Variants in BICD1 observed in about 807,000 individuals in gnomAD.
The protein encoded by BICD1 is BICD cargo adaptor 1.
A neutral mutation model predicts 92.5 loss-of-function variants in BICD1; 35 were observed. The observed-to-expected ratio is 0.38, with a 90% CI of 0.29 to 0.50. BICD1 has a LOEUF of 0.50. Ranked by LOEUF, BICD1 falls within the 20% of genes least tolerant of loss-of-function variation. The pLI is 0.93. For missense variants in BICD1, 950 were observed against 1,189.8 expected (o/e 0.80, Z 2.97); for synonymous variants, 429 against 465.1 (o/e 0.92, Z 1.00).
intron 9 of BICD1, among the ~76,000 whole-genome samples, chr12:32,374,494 A>C (rs1939854503): frequency 6.6e-6 from 1 of 151,710 alleles, no homozygotes; most frequent in African/African-American, 2.4e-5. Context: ...CAGGCCGTCA[A>C]ACTCTGTTTG....
At chr12:32,151,015 A>G (rs1386988891) in intron 1 of BICD1, among the ~76,000 whole-genome samples, 1 of 152,206 alleles carries the variant, frequency 6.6e-6, no homozygotes, top group African/African-American at 2.4e-5. Flanking sequence ...CTTGAAAAAA[A>G]TGTAGGATCC....
At chr12:32,310,921 G>A (rs966089494) in intron 4 of BICD1, among the ~76,000 whole-genome samples, 4 of 151,756 alleles carry the variant, frequency 2.6e-5, no homozygotes, top group Non-Finnish European at 4.4e-5. Flanking sequence ...ATACCCTTTC[G>A]GCCTTTTCTT....
At chr12:32,177,090 G>A (rs1464898750) in intron 1 of BICD1, among the ~76,000 whole-genome samples, 1 of 151,928 alleles carries the variant, frequency 6.6e-6, no homozygotes, top group East Asian at 1.9e-4. Flanking sequence ...TGAGGCGGGC[G>A]CATGCCTTGA....
intron 2 of BICD1, among the ~76,000 whole-genome samples, chr12:32,258,467 C>T (rs923383876): frequency 2.0e-5 from 3 of 151,738 alleles, no homozygotes; most frequent in Non-Finnish European, 2.9e-5. Context: ...TGTGTGGAAA[C>T]GAGAGATCTA....
chr12:32,212,520 A>G (rs920259051), intron 1 of BICD1, among the ~76,000 whole-genome samples: 1 of 152,052 alleles, frequency 6.6e-6, no homozygotes, highest in Non-Finnish European at 1.5e-5. Context: ...CATCTCCCAG[A>G]TTCAAGTGAT....
chr12:32,198,212 G>GA (rs954944041), intron 1 of BICD1, among the ~76,000 whole-genome samples: 8 of 147,016 alleles, frequency 5.4e-5, no homozygotes, highest in Admixed American at 1.4e-4. Flanking sequence ...TCTGAAAAAA[G>GA]AAAAAAAAAT....
At position 32,305,891 on chromosome 12, in the gene BICD1, C is replaced by T. The variant is rs571883717; in HGVS notation, c.774C>T (p.Leu258=). ...AGGAGCTCTCCCAGTATATCAGCCT[C>T]AATGATAACCATATCAGCATCTCAG... The part of the protein sequence containing the change: ...LRKELSQYIS[L]NDNHISISVD... The change falls in exon 4 of 10, where the codon CTC becomes CTT. Residue 258 remains leucine, a synonymous_variant. Transcript: ENST00000652176. 26 of 1,614,144 alleles carry T rather than the reference C, an allele frequency of 1.6e-5. No homozygotes were observed. In the East Asian group the frequency reaches 5.6e-4, roughly 35 times the overall value.
chr12:32,117,758 A>ATTTT (rs1180018434), intron 1 of BICD1, among the ~76,000 whole-genome samples: 28 of 107,902 alleles, frequency 2.6e-4, no homozygotes, highest in African/African-American at 6.1e-4. Context: ...ATATATATAT[A>ATTTT]TTTTTTTTTA....
intron 1 of BICD1, among the ~76,000 whole-genome samples, chr12:32,171,299 C>T (rs1943928027): frequency 6.6e-6 from 1 of 152,260 alleles, no homozygotes; most frequent in South Asian, 2.1e-4. Context: ...CGTGGCAGGA[C>T]TGCCAGCCTG....
At chr12:32,374,673 T>G (rs1939863996) in intron 9 of BICD1, among the ~76,000 whole-genome samples, 1 of 148,926 alleles carries the variant, frequency 6.7e-6, no homozygotes, top group Non-Finnish European at 1.5e-5. Flanking sequence ...GTTCAAGCGA[T>G]TCTCCTGCCT....
chr12:32,370,240 G>A (rs931339014), intron 9 of BICD1, among the ~76,000 whole-genome samples: 3 of 152,032 alleles, frequency 2.0e-5, no homozygotes, highest in South Asian at 2.1e-4. Context: ...GGTGATGTGC[G>A]CCTGTAATCT....
intron 1 of BICD1, among the ~76,000 whole-genome samples, chr12:32,208,868 A>G (rs1945135161): frequency 6.6e-6 from 1 of 151,768 alleles, no homozygotes; most frequent in African/African-American, 2.4e-5. Flanking sequence ...GTTGTTGCCC[A>G]GGCTGCAGTG....
rs1460474505 is a variant in BICD1, at chr12:32,377,851, T to C, written c.*224T>C. ...CTGAGTCACAGATAAACTTCTGCCATCAAATGGCTACAGTTCATTTAAATT... is the reference window on the plus strand; with the variant it reads ...CTGAGTCACAGATAAACTTCTGCCACCAAATGGCTACAGTTCATTTAAATT... On this transcript the variant is annotated 3_prime_UTR_variant, in exon 10 of 10. Transcript: ENST00000652176. The C allele has an allele frequency of 6.5e-6, 3 of 462,646 alleles. No homozygotes were observed. Among genetic ancestry groups the C allele is most frequent in the Non-Finnish European group, 1.2e-5 (3 of 258,618 alleles). 28.7% of individuals were successfully genotyped at this position (462,646 alleles called of 1,614,324 possible).
At chr12:32,224,652 T>C (rs930227877) in intron 2 of BICD1, among the ~76,000 whole-genome samples, 13 of 152,194 alleles carry the variant, frequency 8.5e-5, no homozygotes, top group African/African-American at 3.1e-4. Context: ...TTTGTAAGGA[T>C]TAGTTTGCAA....
chr12:32,168,453 C>T (rs1410259798), intron 1 of BICD1, among the ~76,000 whole-genome samples: 1 of 143,302 alleles, frequency 7.0e-6, no homozygotes, highest in Non-Finnish European at 1.5e-5. Flanking sequence ...GGTTTCAACC[C>T]GGGCTTCATG....
chr12:32,217,615 G>A (rs1945398392), intron 2 of BICD1, among the ~76,000 whole-genome samples: 1 of 152,196 alleles, frequency 6.6e-6, no homozygotes, highest in African/African-American at 2.4e-5. Flanking sequence ...CTAATGAAGT[G>A]GAAGTTAGTG....
At chr12:32,335,308 G>A (rs6488044) in intron 6 of BICD1, among the ~76,000 whole-genome samples, 37,197 of 151,704 alleles carry the variant, frequency 0.25, 5,015 homozygotes, top group East Asian at 0.6. Flanking sequence ...CTGCCACCAC[G>A]CCCGGCTAAT....
intron 1 of BICD1, among the ~76,000 whole-genome samples, chr12:32,124,603 G>A (rs868676883): frequency 1.3e-5 from 2 of 152,170 alleles, no homozygotes; most frequent in South Asian, 2.1e-4. Context: ...GGCTGTGCTC[G>A]ATAGGAGTGG....
At chr12:32,298,054 A>G (rs1232368139) in intron 3 of BICD1, among the ~76,000 whole-genome samples, 9 of 152,102 alleles carry the variant, frequency 5.9e-5, no homozygotes, top group African/African-American at 1.9e-4. Context: ...GTGATGATGC[A>G]CACCTGTGGT....
Sources: allele counts gnomAD v4.1 joint callset (sites outside exome capture counted in the v4.1 genomes callset), GRCh38; gene constraint gnomAD v4.1.1; transcripts MANE v1.5; gene names NCBI Gene and HGNC (gene_info 2026-07-23, HGNC 2026-07-21).